Variants in THADA observed in about 807,000 individuals in gnomAD.
THADA encodes tRNA (32-2'-O)-methyltransferase regulator THADA.
THADA carries 213 observed loss-of-function variants against 219.8 expected under a neutral mutation model. The ratio of observed to expected loss-of-function variants is 0.97; its 90% CI spans 0.87 to 1.09. The LOEUF is 1.09. Ranked by LOEUF, THADA falls within the 50% of genes least tolerant of loss-of-function variation. THADA has a pLI of 0.00. For missense variants in THADA, 2,956 were observed against 2,311.3 expected, an observed-to-expected ratio of 1.28 and a Z score of -5.72; for synonymous variants, 1,018 against 828.9, an observed-to-expected ratio of 1.23 and a Z score of -3.92.
chr2:43,244,763 C>T (rs1668957735), intron 36 of THADA, among the ~76,000 whole-genome samples: 2 of 152,238 alleles, frequency 1.3e-5, no homozygotes, highest in African/African-American at 4.8e-5. Context: ...GAGTCCCTCC[C>T]TATGCCTGCT....
intron 22 of THADA, among the ~76,000 whole-genome samples, chr2:43,520,028 C>T (rs899458405): frequency 1.2e-4 from 19 of 152,234 alleles, no homozygotes; most frequent in African/African-American, 4.3e-4. Context: ...TGCAAGGTTC[C>T]CAAGAACAAT....
intron 30 of THADA, among the ~76,000 whole-genome samples, chr2:43,330,070 G>C: frequency 6.6e-6 from 1 of 152,184 alleles, no homozygotes; most frequent in East Asian, 1.9e-4. Flanking sequence ...CTGGGCAGTA[G>C]TCCAGCAGAG....
intron 28 of THADA, 34 bp downstream of exon 28, chr2:43,428,066 C>T (rs1307147655): frequency 6.7e-7 from 1 of 1,488,674 alleles, no homozygotes; most frequent in Non-Finnish European, 9.0e-7. Flanking sequence ...ACTCCCACGC[C>T]AACCTAGACA....
At chr2:43,353,822 A>ATTTTTTTTTTTTTTTT (rs564117010) in intron 29 of THADA, among the ~76,000 whole-genome samples, 1 of 139,082 alleles carries the variant, frequency 7.2e-6, no homozygotes, top group Non-Finnish European at 1.5e-5. Flanking sequence ...AGCTCAGCTA[A>ATTTTTTTTTTTTTTTT]TTTTTTTTTT....
chr2:43,537,542 A>C (rs1276818425), intron 21 of THADA, among the ~76,000 whole-genome samples: 1 of 152,242 alleles, frequency 6.6e-6, no homozygotes, highest in Non-Finnish European at 1.5e-5. Context: ...GCAATTTAAG[A>C]CTTGTGAATA....
intron 36 of THADA, among the ~76,000 whole-genome samples, chr2:43,274,578 T>C (rs537224026): frequency 1.3e-5 from 2 of 152,054 alleles, no homozygotes; most frequent in Non-Finnish European, 2.9e-5. Flanking sequence ...GATGATACAA[T>C]AACCAAATGC....
intron 36 of THADA, among the ~76,000 whole-genome samples, chr2:43,261,704 C>T (rs551436829): frequency 3.4e-5 from 5 of 147,820 alleles, no homozygotes; most frequent in Admixed American, 2.7e-4. Flanking sequence ...GGCATGATCT[C>T]GGCTCACTGC....
intron 29 of THADA, among the ~76,000 whole-genome samples, chr2:43,380,675 C>T (rs929853826): frequency 6.6e-6 from 1 of 152,162 alleles, no homozygotes. Flanking sequence ...CATGAGCATA[C>T]CCAGTGCCCC....
At chr2:43,450,053 G>C (rs374237559) in intron 26 of THADA, among the ~76,000 whole-genome samples, 1 of 152,104 alleles carries the variant, frequency 6.6e-6, no homozygotes, top group East Asian at 1.9e-4. Flanking sequence ...TGAAATAAAA[G>C]GACACTGGAC....
At chr2:43,386,087 T>C (rs1370792898) in intron 29 of THADA, among the ~76,000 whole-genome samples, 1 of 151,938 alleles carries the variant, frequency 6.6e-6, no homozygotes, top group Non-Finnish European at 1.5e-5. Context: ...CATACATACC[T>C]CAACAACTGC....
intron 22 of THADA, among the ~76,000 whole-genome samples, chr2:43,509,528 T>C (rs1220322303): frequency 6.6e-6 from 1 of 152,110 alleles, no homozygotes; most frequent in Non-Finnish European, 1.5e-5. Flanking sequence ...TATATGAAAA[T>C]TTACAGATAA....
Position 43,252,916 on chromosome 2 carries a change from T to C in THADA, c.5297-20034A>G, listed in dbSNP as rs528019560. ...TCTGGTAATTCTTTTCTTCCTATTC[T>C]GGTGACTCCTAACTGATCCTCTATA... is the stretch of plus-strand genomic sequence containing the variant. On this transcript the variant is annotated intron_variant, in intron 36 of 37. Transcript: ENST00000405975. Among the ~76,000 whole-genome samples, 4 of 152,346 alleles carry C rather than the reference T, an allele frequency of 2.6e-5. No individual in the cohort carries two copies. In the East Asian group the frequency reaches 7.7e-4, roughly 29 times the overall value.
intron 26 of THADA, among the ~76,000 whole-genome samples, chr2:43,464,042 TTA>T (rs2104938370): frequency 6.6e-6 from 1 of 152,342 alleles, no homozygotes; most frequent in African/African-American, 2.4e-5. Context: ...TTATTTATAG[TTA>T]TCTCACAAAA....
At chr2:43,234,673 T>A (rs1667821177) in intron 36 of THADA, among the ~76,000 whole-genome samples, 1 of 152,198 alleles carries the variant, frequency 6.6e-6, no homozygotes, top group Non-Finnish European at 1.5e-5. Context: ...TTTTATTGAT[T>A]GATTGAGACA....
intron 19 of THADA, 135 bp from the exon 20 acceptor site, chr2:43,549,503 G>A: frequency 3.5e-6 from 3 of 860,428 alleles, no homozygotes; most frequent in Non-Finnish European, 5.2e-6. Flanking sequence ...CTCACAAGGT[G>A]GATAATATGA....
At chr2:43,431,267 G>T (rs1001803110) in intron 26 of THADA, among the ~76,000 whole-genome samples, 2 of 152,026 alleles carry the variant, frequency 1.3e-5, no homozygotes, top group South Asian at 4.2e-4. Flanking sequence ...GTGATCAAGT[G>T]TACCATTCAA....
chr2:43,522,251 T>C (rs1046259915), intron 22 of THADA, among the ~76,000 whole-genome samples: 2 of 152,188 alleles, frequency 1.3e-5, no homozygotes, highest in African/African-American at 4.8e-5. Context: ...TTTGCCCAAA[T>C]GAAATCCTGT....
chr2:43,563,992 T>G (rs1397760702), intron 15 of THADA: 1 of 152,248 alleles, frequency 6.6e-6, no homozygotes, highest in Non-Finnish European at 1.5e-5. Context: ...ACTCAGGGTT[T>G]TCATTTTTAA....
intron 22 of THADA, among the ~76,000 whole-genome samples, chr2:43,517,316 A>T (rs1197950991): frequency 6.6e-6 from 1 of 152,164 alleles, no homozygotes; most frequent in South Asian, 2.1e-4. Context: ...AACACAAAGC[A>T]ATTAATTTCA....
Sources: allele counts gnomAD v4.1 joint callset (sites outside exome capture counted in the v4.1 genomes callset), GRCh38; gene constraint gnomAD v4.1.1; transcripts MANE v1.5; gene names NCBI Gene and HGNC (gene_info 2026-07-23, HGNC 2026-07-21).